The following FTCDNL1 variants were observed in gnomAD, a reference collection of about 807,000 sequenced individuals.
FTCDNL1 encodes the protein formiminotransferase N-terminal subdomain-containing protein.
FTCDNL1 carries 11 observed loss-of-function variants against 5.9 expected under a neutral mutation model. The observed-to-expected ratio is 1.87, with a 90% CI of 1.18 to 3.10. FTCDNL1 has a LOEUF of 3.10. Among genes scored for constraint, FTCDNL1 ranks in the 30% most tolerant of loss-of-function variants. FTCDNL1 has a pLI of 0.00. For missense variants in FTCDNL1, 115 were observed against 65.5 expected (o/e 1.76, Z -2.61); for synonymous variants, 58 against 24.8 (o/e 2.34, Z -3.99).
At chr2:199,839,923 A>G (rs1559243005) in intron 3 of FTCDNL1, among the ~76,000 whole-genome samples, 1 of 152,228 alleles carries the variant, frequency 6.6e-6, no homozygotes, top group Non-Finnish European at 1.5e-5. Flanking sequence ...AAGCTACTAA[A>G]GGATGTGTTC....
At chr2:199,770,818 G>C (rs562029563) in intron 3 of FTCDNL1, among the ~76,000 whole-genome samples, 2 of 152,282 alleles carry the variant, frequency 1.3e-5, no homozygotes, top group South Asian at 2.1e-4. Flanking sequence ...AATAGAAAAG[G>C]GATCAACTAC....
the FTCDNL1 span, among the ~76,000 whole-genome samples, chr2:199,714,668 G>A: frequency 2.6e-5 from 4 of 152,104 alleles, no homozygotes; most frequent in African/African-American, 9.7e-5. Context: ...CTTGGCTGAG[G>A]AGCACTGAGC....
At chr2:199,739,302 G>A in the FTCDNL1 span, among the ~76,000 whole-genome samples, 1 of 152,148 alleles carries the variant, frequency 6.6e-6, no homozygotes. Context: ...TCGGAATCGG[G>A]GTGCTCTTAT....
intron 4 of FTCDNL1, among the ~76,000 whole-genome samples, chr2:199,815,491 G>C (rs967051286): frequency 5.9e-5 from 9 of 151,924 alleles, no homozygotes; most frequent in African/African-American, 2.2e-4. Flanking sequence ...AATGTGTTGA[G>C]GTTTTTCTGT....
chr2:199,831,546 A>G (rs1702370861), intron 3 of FTCDNL1, among the ~76,000 whole-genome samples: 2 of 152,222 alleles, frequency 1.3e-5, no homozygotes, highest in African/African-American at 4.8e-5. Context: ...ATCTTGCTGA[A>G]TGAAAAAATT....
intron 3 of FTCDNL1, among the ~76,000 whole-genome samples, chr2:199,781,003 C>T (rs956258546): frequency 5.9e-5 from 9 of 152,222 alleles, no homozygotes; most frequent in African/African-American, 1.9e-4. Flanking sequence ...CCACAATGTA[C>T]TCTATTCACA....
the FTCDNL1 span, among the ~76,000 whole-genome samples, chr2:199,754,049 C>T: frequency 5.3e-5 from 8 of 152,264 alleles, no homozygotes; most frequent in East Asian, 1.9e-4. Flanking sequence ...GTGACTTGGC[C>T]GGGCTATGAT....
the FTCDNL1 span, among the ~76,000 whole-genome samples, chr2:199,741,687 G>A: frequency 6.6e-6 from 1 of 151,688 alleles, no homozygotes. Context: ...ATTCTTTATT[G>A]TCCTCTGGAA....
chr2:199,772,848 A>G (rs551687156), intron 3 of FTCDNL1, among the ~76,000 whole-genome samples: 1 of 152,310 alleles, frequency 6.6e-6, no homozygotes, highest in South Asian at 2.1e-4. Flanking sequence ...GAAAGATGGG[A>G]AAGAGCACAT....
chr2:199,746,806 G>A, the FTCDNL1 span, among the ~76,000 whole-genome samples: 3 of 150,632 alleles, frequency 2.0e-5, no homozygotes, highest in Non-Finnish European at 2.9e-5. Flanking sequence ...AAAATTAAAC[G>A]AAAAGCCTCC....
At chr2:199,780,250 A>C in intron 3 of FTCDNL1, among the ~76,000 whole-genome samples, 1 of 152,136 alleles carries the variant, frequency 6.6e-6, no homozygotes, top group East Asian at 1.9e-4. Context: ...CTGGGCCCTT[A>C]TATCCCTGAG....
downstream of FTCDNL1, among the ~76,000 whole-genome samples, chr2:199,804,763 G>C (rs1700637377): frequency 6.6e-6 from 1 of 152,156 alleles, no homozygotes. Context: ...GTCCCATTGG[G>C]TCTGCTGATG....
the FTCDNL1 span, among the ~76,000 whole-genome samples, chr2:199,692,399 T>C: frequency 6.6e-6 from 1 of 152,204 alleles, no homozygotes; most frequent in African/African-American, 2.4e-5. Flanking sequence ...CTCATTAGAA[T>C]TGTCTACATT....
the FTCDNL1 span, among the ~76,000 whole-genome samples, chr2:199,664,528 G>T: frequency 6.6e-6 from 1 of 152,102 alleles, no homozygotes; most frequent in Non-Finnish European, 1.5e-5. Flanking sequence ...TGAAATAACA[G>T]AAAAGCATAA....
chr2:199,684,932 A>G, the FTCDNL1 span, among the ~76,000 whole-genome samples: 1 of 152,222 alleles, frequency 6.6e-6, no homozygotes, highest in Non-Finnish European at 1.5e-5. Context: ...ATGGTTATAC[A>G]TAAACTTCTT....
At chr2:199,793,381 T>G (rs953342690) in intron 3 of FTCDNL1, among the ~76,000 whole-genome samples, 11 of 152,158 alleles carry the variant, frequency 7.2e-5, no homozygotes, top group Middle Eastern at 3.4e-3. Context: ...GGGCATTACT[T>G]GAGAAGCAAG....
At chr2:199,794,750 G>A (rs929215459) in intron 3 of FTCDNL1, among the ~76,000 whole-genome samples, 4 of 152,172 alleles carry the variant, frequency 2.6e-5, no homozygotes, top group Non-Finnish European at 4.4e-5. Flanking sequence ...ATGGTGGCAC[G>A]CAACTATAGT....
the FTCDNL1 span, among the ~76,000 whole-genome samples, chr2:199,710,902 T>C: frequency 7.2e-5 from 11 of 152,160 alleles, no homozygotes; most frequent in African/African-American, 2.7e-4. Flanking sequence ...AATAATGACC[T>C]TACAATAAGA....
downstream of FTCDNL1, among the ~76,000 whole-genome samples, chr2:199,807,045 G>A (rs1431402372): frequency 6.6e-6 from 1 of 152,140 alleles, no homozygotes; most frequent in Non-Finnish European, 1.5e-5. Flanking sequence ...CAAACTGTAG[G>A]GCTGCTTCTA....
Sources: gnomAD v4.1 joint callset for allele counts (sites outside exome capture counted in the v4.1 genomes callset) on GRCh38, gnomAD v4.1.1 for gene constraint, MANE v1.5 for transcripts, NCBI Gene and HGNC (gene_info 2026-07-23, HGNC 2026-07-21) for gene names.